CHKA: variants seen among roughly 807,000 people sequenced by gnomAD.
CHKA encodes CHETK-alpha.
Under a neutral mutation model 60.1 loss-of-function variants are expected in CHKA, and 34 were observed. The observed-to-expected ratio is 0.57, with a 90% confidence interval of 0.43 to 0.75. The LOEUF (loss-of-function observed/expected upper bound fraction) is 0.75. Among genes scored for constraint, CHKA ranks in the 30% least tolerant of loss-of-function variants. The pLI is 0.00. For missense variants in CHKA, 563 were observed against 561.3 expected, an observed-to-expected ratio of 1.00 and a Z score of -0.03; for synonymous variants, 217 against 223.1, an observed-to-expected ratio of 0.97 and a Z score of 0.24.
At position 68,120,921 on chromosome 11, in the gene CHKA, C is replaced by T; in HGVS notation, c.257G>A (p.Arg86Gln). The change falls in exon 1 of 12, where the codon CGG becomes CAG. Residue 86 changes from arginine (R) to glutamine (Q), a missense_variant. Coordinates refer to ENST00000265689, the MANE Select transcript of CHKA (RefSeq NM_001277.3). ...QPPADEQPEP[R>Q]TRRRAYLWCK... ...CCACAGATAGGCCCTGCGCCGCGTC[C>T]GGGGCTCCGGCTGCTCGTCTGCGGG... 1 of 1,214,968 alleles carries T rather than the reference C, an allele frequency of 8.2e-7. No individual in the cohort carries two copies. The highest frequency in any genetic ancestry group is 1.0e-6 in the Non-Finnish European group (1 of 968,210). 75.3% of individuals were successfully genotyped at this position (1,214,968 alleles called of 1,614,324 possible).
chr11:68,065,719 T>C, intron 9 of CHKA, 67 bp downstream of exon 9: 2 of 1,101,612 alleles, frequency 1.8e-6, no homozygotes, highest in Admixed American at 1.8e-5. Context: ...AAAAAGAAGA[T>C]GTAATTCTAA....
chr11:68,084,064 GTGAA>G (rs1857075537), intron 2 of CHKA, among the ~76,000 whole-genome samples: 2 of 151,608 alleles, frequency 1.3e-5, no homozygotes, highest in Non-Finnish European at 2.9e-5. Context: ...GGCCAACATG[GTGAA>G]ACTCCAACTC....
chr11:68,081,536 G>A, intron 2 of CHKA, 79 bp from the exon 3 acceptor site: 2 of 1,159,996 alleles, frequency 1.7e-6, no homozygotes, highest in Non-Finnish European at 2.6e-6. Flanking sequence ...CACCAGAACA[G>A]TCAGGGTTTA....
chr11:68,096,052 A>G (rs1402126820), intron 2 of CHKA, among the ~76,000 whole-genome samples: 2 of 150,798 alleles, frequency 1.3e-5, no homozygotes, highest in African/African-American at 4.9e-5. Flanking sequence ...GAAAAAAAAA[A>G]AAAATTCTAC....
intron 2 of CHKA, among the ~76,000 whole-genome samples, chr11:68,094,387 C>T (rs1337260321): frequency 2.6e-5 from 4 of 151,944 alleles, no homozygotes; most frequent in African/African-American, 7.3e-5. Flanking sequence ...ACAAAAAATA[C>T]AAAATTAGCT....
At chr11:68,080,754 C>G (rs952544204) in intron 3 of CHKA, among the ~76,000 whole-genome samples, 1 of 152,238 alleles carries the variant, frequency 6.6e-6, no homozygotes, top group Non-Finnish European at 1.5e-5. Context: ...CACATGCACC[C>G]TTCTCTGTGA....
chr11:68,105,793 A>G (rs1238537282), intron 1 of CHKA, among the ~76,000 whole-genome samples: 1 of 152,184 alleles, frequency 6.6e-6, no homozygotes, highest in Non-Finnish European at 1.5e-5. Context: ...GAAAAGCAAA[A>G]AAGCCACTGA....
Position 68,121,340 on chromosome 11 carries a change from G to GGCGACTGCA in CHKA, c.-164_-163insTGCAGTCGC, listed in dbSNP as rs1838353736. 2 of 324,014 alleles carry GGCGACTGCA rather than the reference G, an allele frequency of 6.2e-6. No individual in the cohort carries two copies. Among genetic ancestry groups the GGCGACTGCA allele is most frequent in the South Asian group, 2.3e-4 (2 of 8,662 alleles). The allele number at this position is 324,014 out of a possible 1,614,324, so 20.1% of individuals were successfully genotyped here. On this transcript the variant is annotated 5_prime_UTR_variant, in exon 1 of 12. Transcript: ENST00000265689. ...CGGCGGCGGCGGCTGCGGCGACTGC[G>GGCGACTGCA]GCGACTGTGGAGCGGGGATGTGCTG... is the stretch of plus-strand genomic sequence containing the variant.
At chr11:68,079,332 A>AT (rs759095612) in intron 3 of CHKA, among the ~76,000 whole-genome samples, 9 of 144,866 alleles carry the variant, frequency 6.2e-5, no homozygotes, top group Admixed American at 2.1e-4. Flanking sequence ...TCTCTGTACT[A>AT]TTTTTTTTTT....
intron 3 of CHKA, among the ~76,000 whole-genome samples, chr11:68,079,563 C>T (rs1856908973): frequency 6.6e-6 from 1 of 152,152 alleles, no homozygotes; most frequent in Admixed American, 6.6e-5. Flanking sequence ...GATCTCCTGA[C>T]CTCGTGATCC....
chr11:68,121,346 TGTGGA>T lies in CHKA; in HGVS notation c.-174_-170del. ...CGGCGGCTGCGGCGACTGCGGCGAC[TGTGGA>T]GCGGGGATGTGCTGCTGGCCGCTGC... On this transcript the variant is annotated 5_prime_UTR_variant, in exon 1 of 12. Coordinates refer to ENST00000265689, the MANE Select transcript of CHKA (RefSeq NM_001277.3). 1.6e-5 allele frequency: 5 copies of T among 317,296 alleles called. No individual in the cohort carries two copies. The highest frequency in any genetic ancestry group is 1.5e-4 in the East Asian group (1 of 6,796). 19.7% of individuals were successfully genotyped at this position (317,296 alleles called of 1,614,324 possible). A position where few individuals can be genotyped will look rare whatever the true frequency, so the allele number is the denominator to read the frequency against.
At chr11:68,098,588 C>T (rs1440887858) in intron 1 of CHKA, among the ~76,000 whole-genome samples, 1 of 152,076 alleles carries the variant, frequency 6.6e-6, no homozygotes, top group Non-Finnish European at 1.5e-5. Context: ...GTGGTGATGG[C>T]AGCACAACAA....
At chr11:68,080,269 C>T (rs775936932) in intron 3 of CHKA, among the ~76,000 whole-genome samples, 1 of 152,264 alleles carries the variant, frequency 6.6e-6, no homozygotes, top group Non-Finnish European at 1.5e-5. Context: ...TAAAACAAGC[C>T]GCTGAAAAGT....
rs1856449871 is a variant in CHKA at position 68,066,501 on chromosome 11, A to G, written c.944T>C (p.Leu315Pro). ...NDCQEGNILLLEGRENSEKQK... is the reference protein window; with the variant it reads ...NDCQEGNILLPEGRENSEKQK... ...TTTTTCAGAATTCTCTCGGCCTTCC[A>G]GCAACAAGATATTACCTGCAAAAGG... The change falls in exon 8 of 12, where the codon CTG becomes CCG. Residue 315 changes from leucine to proline, a missense_variant. Transcript: ENST00000265689. 1.2e-6 allele frequency: 2 copies of G among 1,614,128 alleles called. No individual in the cohort carries two copies. The highest frequency in any genetic ancestry group is 1.7e-6 in the Non-Finnish European group (2 of 1,179,930).
In CHKA at chr11:68,053,902, G is replaced by A; in HGVS notation, c.*86C>T. 9.2e-7 allele frequency: 1 copy of A among 1,092,612 alleles called. No individual in the cohort carries two copies. Among genetic ancestry groups the A allele is most frequent in the South Asian group, 1.3e-5 (1 of 76,170 alleles). The allele number at this position is 1,092,612 out of a possible 1,614,324, so 67.7% of individuals were successfully genotyped here. ...AGCCACCCAAAGCCTCCTGCCACAG[G>A]AGCAGTAGTCGAAGCACAGAGGGGA... On this transcript the variant is annotated 3_prime_UTR_variant, in exon 12 of 12. Coordinates refer to ENST00000265689, the MANE Select transcript of CHKA (RefSeq NM_001277.3).
intron 1 of CHKA, among the ~76,000 whole-genome samples, chr11:68,109,865 T>C (rs1003811981): frequency 2.6e-5 from 4 of 152,070 alleles, no homozygotes; most frequent in Non-Finnish European, 5.9e-5. Context: ...GGCATGAGAA[T>C]TGCTTGAATC....
intron 5 of CHKA, 88 bp from the exon 6 acceptor site, chr11:68,070,381 T>C (rs1269685980): frequency 4.2e-5 from 42 of 1,004,804 alleles, no homozygotes; most frequent in Non-Finnish European, 6.3e-5. Context: ...TGGTTAAACA[T>C]TCAATCCCAG....
At chr11:68,109,086 CTT>C (rs1040771984) in intron 1 of CHKA, among the ~76,000 whole-genome samples, 14 of 130,568 alleles carry the variant, frequency 1.1e-4, no homozygotes, top group Non-Finnish European at 2.0e-4. Flanking sequence ...TTTTCTTTTC[CTT>C]TTTTTTTTTT....
intron 8 of CHKA, 62 bp downstream of exon 8, chr11:68,066,363 GTTAA>G (rs1396936466): frequency 1.5e-6 from 2 of 1,310,498 alleles, no homozygotes; most frequent in Non-Finnish European, 2.2e-6. Context: ...TCTAATAACT[GTTAA>G]TTAAGCATAT....
Sources: gnomAD v4.1 joint callset for allele counts (sites outside exome capture counted in the v4.1 genomes callset) on GRCh38, gnomAD v4.1.1 for gene constraint, MANE v1.5 for transcripts, NCBI Gene and HGNC (gene_info 2026-07-23, HGNC 2026-07-21) for gene names.